Variants in EPB41L1 observed in about 807,000 individuals in gnomAD.
EPB41L1 encodes band 4.1-like protein 1.
Under a neutral mutation model 97.8 loss-of-function variants are expected in EPB41L1, and 29 were observed. That is an observed-to-expected ratio of 0.30 (90% CI 0.22 to 0.40). The LOEUF (loss-of-function observed/expected upper bound fraction) is 0.40, where lower values mean the gene tolerates loss of function less well. EPB41L1 is among the 10% of genes least tolerant of loss of function. The probability of loss-of-function intolerance (pLI) is 1.00; values close to 1 mark genes in which losing one functional copy is unlikely to be tolerated. For missense variants in EPB41L1, 812 were observed against 1,162.3 expected (o/e 0.70, Z 4.38); for synonymous variants, 383 against 459.2 (o/e 0.83, Z 2.12).
chr20:36,101,121 C>T (rs2058001721), intron 1 of EPB41L1, among the ~76,000 whole-genome samples: 1 of 152,174 alleles, frequency 6.6e-6, no homozygotes, highest in South Asian at 2.1e-4. Context: ...CACAAGACTG[C>T]TTGGGAGCTT....
intron 1 of EPB41L1, among the ~76,000 whole-genome samples, chr20:36,100,555 T>A (rs1340544572): frequency 2.6e-5 from 4 of 152,242 alleles, no homozygotes; most frequent in Middle Eastern, 6.3e-3. Flanking sequence ...CTTTTAATCC[T>A]TACAACTACC....
intron 2 of EPB41L1, chr20:36,125,608 T>G: frequency 6.6e-7 from 1 of 1,511,824 alleles, no homozygotes; most frequent in Non-Finnish European, 8.8e-7. Flanking sequence ...ATGAAACACT[T>G]TGGAGTGGCA....
intron 11 of EPB41L1, among the ~76,000 whole-genome samples, chr20:36,192,165 G>A (rs1452009952): frequency 6.6e-6 from 1 of 151,954 alleles, no homozygotes; most frequent in East Asian, 1.9e-4. Context: ...GGCAGAGGTT[G>A]CAGTGAGCTC....
intron 2 of EPB41L1, among the ~76,000 whole-genome samples, chr20:36,130,257 T>TTTTTTG (rs768058433): frequency 1.3e-5 from 2 of 150,206 alleles, no homozygotes; most frequent in Non-Finnish European, 3.0e-5. Context: ...TTTTTTTTTG[T>TTTTTTG]TTTTTTTAAT....
rs1217809827 is a variant in EPB41L1 at position 36,198,022 on chromosome 20, C to A, written c.1649C>A (p.Thr550Asn). Residue 550 changes from threonine to asparagine, a missense_variant, in exon 14 of 22, where the codon ACC (threonine) becomes AAC (asparagine). Thr to Asn is a moderately conservative substitution (Grantham distance 65). Around this residue, in one of 3 missense-constraint regions of EPB41L1, gnomAD observed 498 missense variants for 622.7 expected, o/e 0.80. Coordinates refer to ENST00000338074, the MANE Select transcript of EPB41L1 (RefSeq NM_012156.2). Reference sequence around the variant, plus strand: ...CCCGCCTCCCCCTCCCCCAAGGGCACCCCTGAGAAAGCCAATGAGGTAGGT... The same window carrying A: ...CCCGCCTCCCCCTCCCCCAAGGGCAACCCTGAGAAAGCCAATGAGGTAGGT... ...SSPASPSPKG[T>N]PEKANERAGL... is the part of the protein sequence containing the mutation. 6.2e-7 allele frequency: 1 copy of A among 1,613,376 alleles called. No homozygotes were observed. The highest frequency in any genetic ancestry group is 8.5e-7 in the Non-Finnish European group (1 of 1,179,968).
At chr20:36,182,177 A>C in intron 5 of EPB41L1, 95 bp from the exon 6 acceptor site, 2 of 1,036,980 alleles carry the variant, frequency 1.9e-6, no homozygotes, top group Non-Finnish European at 3.0e-6. Flanking sequence ...GATTATACAT[A>C]GGAGAAACTT....
intron 21 of EPB41L1, among the ~76,000 whole-genome samples, chr20:36,224,891 G>T (rs1312054410): frequency 3.9e-5 from 6 of 152,000 alleles, no homozygotes; most frequent in Non-Finnish European, 8.8e-5. Flanking sequence ...GCACGATCTT[G>T]GCTTACTCCA....
In EPB41L1 at chr20:36,185,162, G is replaced by A; in HGVS notation, c.612G>A (p.Arg204=). Residue 204 remains arginine, a synonymous_variant, in exon 7 of 22, where the codon CGG becomes CGA. Transcript: ENST00000338074. ...TGCGGGCAGACATCATCACGGGCCG[G>A]CTGCCATGCTCCTTTGTCACGCATG... ...LQLRADIITG[R]LPCSFVTHAL... 6.2e-7 allele frequency: 1 copy of A among 1,612,914 alleles called. No individual in the cohort carries two copies. Among genetic ancestry groups the A allele is most frequent in the Non-Finnish European group, 8.5e-7 (1 of 1,180,038 alleles).
intron 1 of EPB41L1, chr20:36,155,881 C>G (rs1272779298): frequency 3.9e-6 from 1 of 255,904 alleles, no homozygotes; most frequent in Non-Finnish European, 8.0e-6. Flanking sequence ...TGTGCGGGGT[C>G]CAGCGGCTTG....
chr20:36,126,304 A>G (rs1319507839), intron 2 of EPB41L1, among the ~76,000 whole-genome samples: 3 of 151,328 alleles, frequency 2.0e-5, no homozygotes, highest in Admixed American at 1.3e-4. Flanking sequence ...TTCAGAGTCT[A>G]TCAGTTTTCT....
chr20:36,160,338 C>T (rs1360844921), intron 1 of EPB41L1, among the ~76,000 whole-genome samples: 2 of 152,204 alleles, frequency 1.3e-5, no homozygotes, highest in African/African-American at 4.8e-5. Context: ...AATCCCAGCA[C>T]TCTGGGAGGC....
upstream of EPB41L1, chr20:36,153,031 T>C (rs576983946): frequency 2.2e-6 from 1 of 456,744 alleles, no homozygotes; most frequent in East Asian, 7.0e-5. Flanking sequence ...CTTCATCCGC[T>C]GCTGAACCTG....
chr20:36,208,254 C>A, intron 14 of EPB41L1: 1 of 376,866 alleles, frequency 2.7e-6, no homozygotes. Flanking sequence ...GTCCCAGTGC[C>A]AAGTTTCTTT....
intron 2 of EPB41L1, among the ~76,000 whole-genome samples, chr20:36,142,455 G>A (rs188217859): frequency 7.9e-5 from 12 of 152,312 alleles, no homozygotes; most frequent in African/African-American, 2.4e-4. Context: ...GAATTTCTGC[G>A]TTAAACGGTA....
chr20:36,205,719 T>C, intron 14 of EPB41L1: 2 of 925,932 alleles, frequency 2.2e-6, no homozygotes, highest in Non-Finnish European at 2.9e-6. Context: ...CAGCCAGTTC[T>C]GGGGATGTGC....
chr20:36,216,254 G>C (rs2063434929), intron 17 of EPB41L1, among the ~76,000 whole-genome samples: 1 of 152,212 alleles, frequency 6.6e-6, no homozygotes, highest in East Asian at 1.9e-4. Flanking sequence ...ATGCTTGAAG[G>C]ATAAATTAAA....
intron 7 of EPB41L1, among the ~76,000 whole-genome samples, chr20:36,185,825 C>T (rs895269067): frequency 5.3e-5 from 8 of 152,132 alleles, no homozygotes; most frequent in East Asian, 3.9e-4. Flanking sequence ...TTAAACCCAC[C>T]CTGTAGGATT....
intron 2 of EPB41L1, chr20:36,113,855 T>C (rs1467184015): frequency 6.6e-6 from 1 of 152,592 alleles, no homozygotes; most frequent in African/African-American, 2.4e-5. Flanking sequence ...GATCGGCTCA[T>C]ACATTTATTC....
chr20:36,183,442 C>T (rs182124785), intron 6 of EPB41L1, among the ~76,000 whole-genome samples: 79 of 152,312 alleles, frequency 5.2e-4, no homozygotes, highest in African/African-American at 1.8e-3. Context: ...AGGTCAGGTG[C>T]GGGCTAATGT....
Sources: allele counts gnomAD v4.1 joint callset (sites outside exome capture counted in the v4.1 genomes callset), GRCh38; gene constraint gnomAD v4.1.1; regional missense constraint gnomAD v4.1.1; transcripts MANE v1.5; gene names NCBI Gene and HGNC (gene_info 2026-07-23, HGNC 2026-07-21).